MPZL1: variants seen among roughly 807,000 people sequenced by gnomAD.
The protein encoded by MPZL1 is myelin protein zero like 1, also known as myelin protein zero-like protein 1.
In MPZL1, 16 loss-of-function variants were observed where a neutral mutation model predicts 29.3. The observed-to-expected ratio is 0.55, with a 90% CI of 0.37 to 0.83. The LOEUF (loss-of-function observed/expected upper bound fraction) is 0.83. MPZL1 is among the 40% of genes least tolerant of loss of function. The probability of loss-of-function intolerance (pLI) is 0.00; values close to 1 mark genes in which losing one functional copy is unlikely to be tolerated. For missense variants in MPZL1, 279 were observed against 332.9 expected (o/e 0.84, Z 1.26); for synonymous variants, 143 against 132.0 (o/e 1.08, Z -0.57).
chr1:167,746,386 G>C (rs1362663528), intron 1 of MPZL1, among the ~76,000 whole-genome samples: 1 of 151,014 alleles, frequency 6.6e-6, no homozygotes, highest in Non-Finnish European at 1.5e-5. Context: ...CGAGGGAGTT[G>C]AGGCTGTCTT....
intron 1 of MPZL1, among the ~76,000 whole-genome samples, chr1:167,750,305 A>G (rs147900431): frequency 6.6e-6 from 1 of 152,154 alleles, no homozygotes; most frequent in African/African-American, 2.4e-5. Flanking sequence ...GGTTCAAGCA[A>G]TTCTCCTGTC....
intron 1 of MPZL1, among the ~76,000 whole-genome samples, chr1:167,747,880 A>G (rs183876650): frequency 1.1e-4 from 16 of 152,292 alleles, no homozygotes; most frequent in East Asian, 3.9e-4. Context: ...TCATCACCCC[A>G]TAAAGAAACC....
At chr1:167,760,088 C>CA (rs1463580161) in intron 1 of MPZL1, among the ~76,000 whole-genome samples, 1 of 152,026 alleles carries the variant, frequency 6.6e-6, no homozygotes, top group Non-Finnish European at 1.5e-5. Context: ...AGGCAGACAC[C>CA]AATTAGGAAG....
At chr1:167,763,275 G>A (rs74319551) in intron 1 of MPZL1, among the ~76,000 whole-genome samples, 2 of 151,998 alleles carry the variant, frequency 1.3e-5, no homozygotes, top group Non-Finnish European at 2.9e-5. Flanking sequence ...AGCACTTTGG[G>A]GGGGCCGGGG....
intron 1 of MPZL1, among the ~76,000 whole-genome samples, chr1:167,740,720 A>G (rs1314070839): frequency 6.6e-6 from 1 of 152,212 alleles, no homozygotes; most frequent in African/African-American, 2.4e-5. Flanking sequence ...CTCTCTGAAC[A>G]TCAGACCTGC....
intron 1 of MPZL1, among the ~76,000 whole-genome samples, chr1:167,737,474 C>T (rs1259174411): frequency 2.6e-5 from 4 of 152,270 alleles, no homozygotes; most frequent in African/African-American, 4.8e-5. Context: ...AAGATCGTAA[C>T]GTCAGTTTAA....
intron 1 of MPZL1, among the ~76,000 whole-genome samples, chr1:167,762,764 A>T (rs2101779613): frequency 6.6e-6 from 1 of 152,340 alleles, no homozygotes; most frequent in South Asian, 2.1e-4. Context: ...TCTTACCCAG[A>T]TTATTGGAGA....
chr1:167,753,243 G>C (rs1406001358), intron 1 of MPZL1, among the ~76,000 whole-genome samples: 1 of 152,202 alleles, frequency 6.6e-6, no homozygotes, highest in Admixed American at 6.5e-5. Flanking sequence ...TGGCTGCGTG[G>C]CATGTTGAAG....
At chr1:167,762,435 G>T (rs1476478456) in intron 1 of MPZL1, among the ~76,000 whole-genome samples, 3 of 152,230 alleles carry the variant, frequency 2.0e-5, no homozygotes, top group Non-Finnish European at 2.9e-5. Flanking sequence ...GCAGCCACGT[G>T]GCGGAAGAAG....
At chr1:167,733,675 G>A (rs894208988) in intron 1 of MPZL1, among the ~76,000 whole-genome samples, 6 of 152,102 alleles carry the variant, frequency 3.9e-5, no homozygotes, top group African/African-American at 1.2e-4. Flanking sequence ...AATCCAGGAG[G>A]TGAGGTTGCA....
chr1:167,771,002 C>CTT (rs780993668), intron 2 of MPZL1, among the ~76,000 whole-genome samples: 2 of 120,938 alleles, frequency 1.7e-5, no homozygotes, highest in Non-Finnish European at 3.6e-5. Context: ...TGTTGCATTT[C>CTT]TTTTTTTTTT....
intron 5 of MPZL1, among the ~76,000 whole-genome samples, chr1:167,783,343 T>G (rs1661531160): frequency 6.6e-6 from 1 of 152,198 alleles, no homozygotes; most frequent in African/African-American, 2.4e-5. Context: ...AGAAAATTTT[T>G]TTTCTTTGTG....
At position 167,765,630 on chromosome 1, in the gene MPZL1, T is replaced by G. The variant is rs1440890527; in HGVS notation, c.139T>G (p.Phe47Val). Residue 47 changes from phenylalanine (F) to valine (V), a missense_variant, in exon 2 of 6, where the codon TTC becomes GTC. Coordinates refer to ENST00000359523, the MANE Select transcript of MPZL1 (RefSeq NM_003953.6). ...GGAAGTATATACGCCAAAAGAAATCTTCGTGGCAAATGGTACACAAGGGAA... is the reference window on the plus strand; with the variant it reads ...GGAAGTATATACGCCAAAAGAAATCGTCGTGGCAAATGGTACACAAGGGAA... The part of the protein sequence containing the change: ...ALEVYTPKEI[F>V]VANGTQGKLT... 1 of 1,613,152 alleles carries G rather than the reference T, an allele frequency of 6.2e-7. No individual in the cohort carries two copies. The highest frequency in any genetic ancestry group is 8.5e-7 in the Non-Finnish European group (1 of 1,179,532).
intron 2 of MPZL1, among the ~76,000 whole-genome samples, chr1:167,767,625 T>A (rs1661144120): frequency 6.6e-6 from 1 of 152,186 alleles, no homozygotes; most frequent in Non-Finnish European, 1.5e-5. Flanking sequence ...ACACATTTAA[T>A]AAGATGAGTG....
intron 1 of MPZL1, among the ~76,000 whole-genome samples, chr1:167,734,637 C>T (rs759682097): frequency 6.6e-6 from 1 of 152,004 alleles, no homozygotes; most frequent in Non-Finnish European, 1.5e-5. Context: ...CATTTTGTAC[C>T]TCACCTTTAG....
chr1:167,745,506 T>G (rs547364491), intron 1 of MPZL1, among the ~76,000 whole-genome samples: 1 of 152,174 alleles, frequency 6.6e-6, no homozygotes, highest in African/African-American at 2.4e-5. Flanking sequence ...TTAACACTGA[T>G]GATGCTGAAA....
At chr1:167,771,299 T>C (rs1045861832) in intron 2 of MPZL1, among the ~76,000 whole-genome samples, 5 of 152,140 alleles carry the variant, frequency 3.3e-5, no homozygotes, top group African/African-American at 4.8e-5. Context: ...TCAGAGAGCA[T>C]GGGGTTGGGG....
chr1:167,738,025 A>C (rs1458113610), intron 1 of MPZL1, among the ~76,000 whole-genome samples: 1 of 152,000 alleles, frequency 6.6e-6, no homozygotes, highest in Non-Finnish European at 1.5e-5. Flanking sequence ...TCCTGGGTTC[A>C]CGCCATTCTC....
chr1:167,765,365 C>A, intron 1 of MPZL1: 1 of 291,024 alleles, frequency 3.4e-6, no homozygotes, highest in Non-Finnish European at 6.4e-6. Flanking sequence ...AATATCTTAA[C>A]TAAAAAGCAA....
Sources: allele counts gnomAD v4.1 joint callset (sites outside exome capture counted in the v4.1 genomes callset), GRCh38; gene constraint gnomAD v4.1.1; transcripts MANE v1.5; gene names NCBI Gene and HGNC (gene_info 2026-07-23, HGNC 2026-07-21).